SIAH3: variants seen among roughly 807,000 people sequenced by gnomAD.
SIAH3 encodes siah E3 ubiquitin protein ligase family member 3.
A neutral mutation model predicts 12.6 loss-of-function variants in SIAH3; 9 were observed. That is an observed-to-expected ratio of 0.72 (90% CI 0.43 to 1.25). The LOEUF (loss-of-function observed/expected upper bound fraction) is 1.25. Ranked by LOEUF, SIAH3 falls within the 50% of genes most tolerant of loss-of-function variation. The pLI, the probability that SIAH3 is intolerant of heterozygous loss-of-function variation, is 0.00. For missense variants in SIAH3, 390 were observed against 365.4 expected (o/e 1.07, Z -0.55); for synonymous variants, 154 against 151.1 (o/e 1.02, Z -0.14).
chr13:45,816,712 A>T (rs1950635792), intron 1 of SIAH3, among the ~76,000 whole-genome samples: 1 of 152,228 alleles, frequency 6.6e-6, no homozygotes, highest in African/African-American at 2.4e-5. Context: ...CACTCTGGGC[A>T]GCATTTAACT....
chr13:45,847,185 C>T (rs917352459), intron 1 of SIAH3, among the ~76,000 whole-genome samples: 1 of 152,132 alleles, frequency 6.6e-6, no homozygotes, highest in African/African-American at 2.4e-5. Context: ...AACCCACATA[C>T]CAGCTATTAA....
At chr13:45,785,889 C>T (rs935672886) in intron 1 of SIAH3, among the ~76,000 whole-genome samples, 1 of 152,178 alleles carries the variant, frequency 6.6e-6, no homozygotes, top group African/African-American at 2.4e-5. Flanking sequence ...GTTCCAAAAT[C>T]CTGCTAGTGA....
chr13:45,788,548 C>A (rs920408866), intron 1 of SIAH3, among the ~76,000 whole-genome samples: 1 of 152,192 alleles, frequency 6.6e-6, no homozygotes, highest in African/African-American at 2.4e-5. Flanking sequence ...ATAATACTTT[C>A]TCTAAGCATT....
intron 1 of SIAH3, among the ~76,000 whole-genome samples, chr13:45,847,399 A>T (rs967904078): frequency 6.6e-6 from 1 of 152,118 alleles, no homozygotes; most frequent in African/African-American, 2.4e-5. Context: ...GTGGGCACAC[A>T]TCTCACATCT....
In SIAH3 at chr13:45,832,934, A is replaced by G. The variant is rs58015430; in HGVS notation, c.135+18561T>C. Reference sequence around the variant, plus strand: ...TCCAAGTCCTGTTGGCAATCTGAAGAGTCTTTATTTTGTGGTGGGACTTTG... The same window carrying G: ...TCCAAGTCCTGTTGGCAATCTGAAGGGTCTTTATTTTGTGGTGGGACTTTG... On this transcript the variant is annotated intron_variant, in intron 1 of 1. Coordinates refer to ENST00000400405, the MANE Select transcript of SIAH3 (RefSeq NM_198849.3). Among the ~76,000 whole-genome samples, 1,124 of 152,336 alleles carry G rather than the reference A, an allele frequency of 7.4e-3. 7 individuals carry two copies. Among genetic ancestry groups the G allele is most frequent in the African/African-American group, 0.024 (998 of 41,576 alleles).
At chr13:45,835,997 T>G (rs1322352083) in intron 1 of SIAH3, among the ~76,000 whole-genome samples, 1 of 152,226 alleles carries the variant, frequency 6.6e-6, no homozygotes, top group Non-Finnish European at 1.5e-5. Context: ...ACATCTACTA[T>G]GCACCCACTA....
intron 1 of SIAH3, among the ~76,000 whole-genome samples, chr13:45,828,869 T>G (rs1012745234): frequency 6.6e-6 from 1 of 151,988 alleles, no homozygotes; most frequent in Non-Finnish European, 1.5e-5. Flanking sequence ...TTAAAAGGAA[T>G]CAGTCAGTGA....
chr13:45,809,981 A>G (rs1950610992), intron 1 of SIAH3, among the ~76,000 whole-genome samples: 1 of 152,260 alleles, frequency 6.6e-6, no homozygotes, highest in South Asian at 2.1e-4. Context: ...CAGCCCAGGC[A>G]GAAGCTTGTC....
At chr13:45,820,574 G>T (rs553116498) in intron 1 of SIAH3, among the ~76,000 whole-genome samples, 1 of 152,136 alleles carries the variant, frequency 6.6e-6, no homozygotes, top group East Asian at 1.9e-4. Context: ...CATATGGTAC[G>T]GTGTGGGTGG....
At chr13:45,819,361 T>A (rs1950646871) in intron 1 of SIAH3, among the ~76,000 whole-genome samples, 1 of 152,172 alleles carries the variant, frequency 6.6e-6, no homozygotes, top group African/African-American at 2.4e-5. Flanking sequence ...AAGAACAGTG[T>A]GCACCCATTC....
Position 45,805,291 on chromosome 13 carries a change from A to G in SIAH3, c.136-21234T>C, listed in dbSNP as rs574801354. ...GCCAAAGCAATATGAAGCAAAAAGA[A>G]GAAAGTTGGAGGCATCACACTACCT... On this transcript the variant is annotated intron_variant, in intron 1 of 1. Transcript: ENST00000400405. Among the ~76,000 whole-genome samples, 415 of 152,300 alleles carry G rather than the reference A, an allele frequency of 2.7e-3. 2 individuals are homozygous for G. The highest frequency in any genetic ancestry group is 9.4e-3 in the African/African-American group (391 of 41,568).
chr13:45,844,137 C>T (rs766034279), intron 1 of SIAH3, among the ~76,000 whole-genome samples: 2 of 152,122 alleles, frequency 1.3e-5, no homozygotes, highest in Admixed American at 6.6e-5. Flanking sequence ...TAAAGAGATG[C>T]GTATGGGTGC....
intron 1 of SIAH3, among the ~76,000 whole-genome samples, chr13:45,820,382 G>A (rs1020165562): frequency 2.6e-5 from 4 of 152,134 alleles, no homozygotes; most frequent in African/African-American, 9.7e-5. Context: ...TCTGGGCTGC[G>A]GGCCAGGGGC....
At chr13:45,790,546 GATTTATCCATGAAT>G (rs1950542743) in intron 1 of SIAH3, among the ~76,000 whole-genome samples, 1 of 152,196 alleles carries the variant, frequency 6.6e-6, no homozygotes, top group Admixed American at 6.5e-5. Flanking sequence ...AGCGTTAGCT[GATTTATCCATGAAT>G]ATTTTCCTGC....
In SIAH3 at chr13:45,783,025, C is replaced by T. The variant is rs1950510926; in HGVS notation, c.*358G>A. On this transcript the variant is annotated 3_prime_UTR_variant, in exon 2 of 2. Transcript: ENST00000400405. ...TTCTCACACGAAGCCTCCTTTCAAC[C>T]CCAACAGTCTGCTTGATGGTGTTTT... 1 of 157,358 alleles carries T rather than the reference C, an allele frequency of 6.4e-6. No homozygotes were observed. Among genetic ancestry groups the T allele is most frequent in the Admixed American group, 6.5e-5 (1 of 15,422 alleles). The allele number at this position is 157,358 out of a possible 1,614,324, so 9.7% of individuals were successfully genotyped here.
chr13:45,836,997 T>C (rs1283737791), intron 1 of SIAH3, among the ~76,000 whole-genome samples: 1 of 152,220 alleles, frequency 6.6e-6, no homozygotes, highest in Non-Finnish European at 1.5e-5. Flanking sequence ...GTGGTAAATG[T>C]GTAGACATCT....
rs1303425949 is a variant in SIAH3 at position 45,808,781 on chromosome 13, A to C, written c.136-24724T>G. Among the ~76,000 whole-genome samples, 4 of 152,300 alleles carry C rather than the reference A, an allele frequency of 2.6e-5. No homozygotes were observed. In the East Asian group the frequency reaches 7.7e-4, roughly 29 times the overall value. ...GACTCAACACTGGGCACAGTAGGGA[A>C]TCTCCATCCTGGTTAAAATTAGGTT... is the stretch of plus-strand genomic sequence containing the variant. On this transcript the variant is annotated intron_variant, in intron 1 of 1. Coordinates refer to ENST00000400405, the MANE Select transcript of SIAH3 (RefSeq NM_198849.3).
At chr13:45,792,741 T>C (rs927430323) in intron 1 of SIAH3, among the ~76,000 whole-genome samples, 2 of 152,228 alleles carry the variant, frequency 1.3e-5, no homozygotes, top group Admixed American at 6.5e-5. Flanking sequence ...AGCATTTATA[T>C]AGACAGTATG....
At chr13:45,841,939 C>T (rs1168172337) in intron 1 of SIAH3, among the ~76,000 whole-genome samples, 1 of 152,216 alleles carries the variant, frequency 6.6e-6, no homozygotes, top group Non-Finnish European at 1.5e-5. Flanking sequence ...CCAACACTGC[C>T]ATGGGGACAT....
Sources: gnomAD v4.1 joint callset for allele counts (sites outside exome capture counted in the v4.1 genomes callset) on GRCh38, gnomAD v4.1.1 for gene constraint, MANE v1.5 for transcripts, NCBI Gene and HGNC (gene_info 2026-07-23, HGNC 2026-07-21) for gene names.